AAMDC: variants seen among roughly 807,000 people sequenced by gnomAD.
AAMDC encodes adipogenesis associated Mth938 domain containing.
Under a neutral mutation model 15.5 loss-of-function variants are expected in AAMDC, and 16 were observed. The observed-to-expected ratio is 1.03, with a 90% confidence interval of 0.70 to 1.57. The LOEUF (loss-of-function observed/expected upper bound fraction) is 1.57, where lower values mean the gene tolerates loss of function less well. AAMDC is among the 40% of genes most tolerant of loss of function. The pLI is 0.00. For missense variants in AAMDC, 141 were observed against 144.9 expected, an observed-to-expected ratio of 0.97 and a Z score of 0.14; for synonymous variants, 51 against 51.6, an observed-to-expected ratio of 0.99 and a Z score of 0.05.
At position 77,900,306 on chromosome 11, in the gene AAMDC, A is replaced by G. The variant is rs185957911; in HGVS notation, c.329-265A>G. Among the ~76,000 whole-genome samples, 972 of 152,112 alleles carry G rather than the reference A, an allele frequency of 6.4e-3. 8 individuals carry two copies. Among genetic ancestry groups the G allele is most frequent in the African/African-American group, 0.021 (880 of 41,518 alleles). ...AGTAGAGACAGGGTTTCACCATGTT[A>G]GCCAGGATGCTCTTGATCTCCTGAC... On this transcript the variant is annotated intron_variant, in intron 5 of 5. Coordinates refer to the AAMDC transcript ENST00000304716.
downstream of AAMDC, chr11:77,876,952 T>C (rs1049058591): frequency 5.7e-6 from 4 of 703,324 alleles, no homozygotes; most frequent in Non-Finnish European, 1.0e-5. Flanking sequence ...TTGTCTAGGC[T>C]CCAACCCAGC....
rs1358517135 is a variant in AAMDC, at chr11:77,869,306, C to CTTT, written c.133-413_133-411dup. The CTTT allele has an allele frequency of 2.0e-3, 240 of 120,400 alleles. 8 individuals carry two copies. The highest frequency in any genetic ancestry group is 6.8e-3 in the African/African-American group (211 of 30,846). 7.5% of individuals were successfully genotyped at this position (120,400 alleles called of 1,614,324 possible). ...TTTCCCGGATTTCGTTTATTTATCT[C>CTTT]TTTTTCTTTTTTTTTTTTTTTTTTT... On this transcript the variant is annotated intron_variant, in intron 2 of 3. Transcript: ENST00000393427.
intron 2 of AAMDC, among the ~76,000 whole-genome samples, chr11:77,847,304 G>A (rs1403630113): frequency 6.6e-6 from 1 of 152,152 alleles, no homozygotes. Context: ...TTCAGAGGAT[G>A]TTTATTTTTA....
At chr11:77,887,420 C>T (rs1157787984) in intron 5 of AAMDC, among the ~76,000 whole-genome samples, 8 of 152,104 alleles carry the variant, frequency 5.3e-5, no homozygotes, top group Non-Finnish European at 1.2e-4. Context: ...TGAGACGTAT[C>T]TCAAAATAAT....
intron 2 of AAMDC, among the ~76,000 whole-genome samples, chr11:77,854,961 C>G (rs549189623): frequency 1.3e-5 from 2 of 152,360 alleles, no homozygotes; most frequent in South Asian, 4.1e-4. Context: ...AATTGTCACA[C>G]TCTGTGCACC....
chr11:77,856,671 T>C (rs1950638189), intron 2 of AAMDC, among the ~76,000 whole-genome samples: 1 of 152,100 alleles, frequency 6.6e-6, no homozygotes. Context: ...ACATCTTACA[T>C]GGCTGGAGCA....
At chr11:77,843,974 T>C (rs1324042321) in intron 2 of AAMDC, among the ~76,000 whole-genome samples, 1 of 152,092 alleles carries the variant, frequency 6.6e-6, no homozygotes, top group African/African-American at 2.4e-5. Context: ...TCATTCACTA[T>C]CACGAGAGCA....
intron 1 of AAMDC, among the ~76,000 whole-genome samples, chr11:77,840,702 C>G (rs925159761): frequency 2.0e-5 from 3 of 152,202 alleles, no homozygotes; most frequent in Non-Finnish European, 2.9e-5. Context: ...AGCCACCACA[C>G]TCAGCCCCAG....
chr11:77,896,260 G>A (rs1299071558), intron 5 of AAMDC, among the ~76,000 whole-genome samples: 2 of 152,038 alleles, frequency 1.3e-5, no homozygotes, highest in Non-Finnish European at 2.9e-5. Flanking sequence ...AAGCACACTT[G>A]GAAATAAAAC....
At position 77,871,478 on chromosome 11, in the gene AAMDC, A is replaced by G. The variant is rs142323123; in HGVS notation, c.229-697A>G. On this transcript the variant is annotated intron_variant, in intron 3 of 3. Transcript: ENST00000393427. The stretch of plus-strand genomic sequence containing the variant: ...AATAAAAAACTAGACAACTTCAGAT[A>G]ATAATAAACGCAGTGAGGAAAATGG... Among the ~76,000 whole-genome samples, 1,189 of 152,346 alleles carry G rather than the reference A, an allele frequency of 7.8e-3. 9 individuals carry two copies. The highest frequency in any genetic ancestry group is 0.012 in the Non-Finnish European group (849 of 68,030).
At chr11:77,824,466 T>G (rs1262220762) in intron 1 of AAMDC, among the ~76,000 whole-genome samples, 1 of 152,196 alleles carries the variant, frequency 6.6e-6, no homozygotes, top group African/African-American at 2.4e-5. Context: ...TAACGGCTAA[T>G]TTATTAAAAA....
At chr11:77,897,351 A>C (rs1232077048) in intron 5 of AAMDC, among the ~76,000 whole-genome samples, 1 of 151,366 alleles carries the variant, frequency 6.6e-6, no homozygotes, top group East Asian at 1.9e-4. Flanking sequence ...AATAAAAAAT[A>C]TTTTATAAAA....
At chr11:77,880,202 A>G (rs1951737838) in intron 5 of AAMDC, among the ~76,000 whole-genome samples, 1 of 152,222 alleles carries the variant, frequency 6.6e-6, no homozygotes, top group Admixed American at 6.5e-5. Flanking sequence ...TTCAGAGGGT[A>G]GGAATGAAGG....
intron 2 of AAMDC, among the ~76,000 whole-genome samples, chr11:77,852,224 C>CAAA (rs545742213): frequency 2.7e-4 from 9 of 33,494 alleles, no homozygotes; most frequent in African/African-American, 3.5e-4. Context: ...GACACTGTCT[C>CAAA]AAAAAAAAAA....
rs111552264 is a variant in AAMDC, at chr11:77,845,589, T to A, written c.132+2961T>A. ...GGGATTACAGGTGCACCCCACCATG[T>A]CCAGCTCTTTTTGTATTTTTAGTAG... On this transcript the variant is annotated intron_variant, in intron 2 of 3. Transcript: ENST00000393427. Among the ~76,000 whole-genome samples the A allele has an allele frequency of 1.8e-3, 270 of 152,068 alleles. 2 individuals carry two copies. Among genetic ancestry groups the A allele is most frequent in the Middle Eastern group, 6.8e-3 (2 of 294 alleles).
chr11:77,845,080 C>CT (rs1429552705), intron 2 of AAMDC, among the ~76,000 whole-genome samples: 1 of 152,018 alleles, frequency 6.6e-6, no homozygotes, highest in African/African-American at 2.4e-5. Context: ...GTATGGATAT[C>CT]TTTGAGTTTG....
intron 5 of AAMDC, among the ~76,000 whole-genome samples, chr11:77,896,390 G>A (rs1214370277): frequency 2.6e-5 from 4 of 152,150 alleles, no homozygotes; most frequent in South Asian, 2.1e-4. Context: ...AGTGGCTCAC[G>A]CCTGTAATTC....
At chr11:77,868,568 AG>A (rs1483049596) in intron 2 of AAMDC, among the ~76,000 whole-genome samples, 1 of 147,864 alleles carries the variant, frequency 6.8e-6, no homozygotes, top group Non-Finnish European at 1.5e-5. Flanking sequence ...CATGTTGACC[AG>A]GCTGGTATCA....
chr11:77,833,285 A>G (rs1183127855), intron 1 of AAMDC, among the ~76,000 whole-genome samples: 1 of 152,036 alleles, frequency 6.6e-6, no homozygotes, highest in Non-Finnish European at 1.5e-5. Flanking sequence ...ACTGACCATA[A>G]TACAGAATCA....
Sources: gnomAD v4.1 joint callset for allele counts (sites outside exome capture counted in the v4.1 genomes callset) on GRCh38, gnomAD v4.1.1 for gene constraint, MANE v1.5 for transcripts, NCBI Gene and HGNC (gene_info 2026-07-23, HGNC 2026-07-21) for gene names.